DTNA: variants seen among roughly 807,000 people sequenced by gnomAD.
DTNA encodes dystrobrevin alpha, also known as dystrophin-related protein 3.
DTNA carries 43 observed loss-of-function variants against 100.7 expected under a neutral mutation model. That is an observed-to-expected ratio of 0.43 (90% CI 0.33 to 0.55). The LOEUF (loss-of-function observed/expected upper bound fraction) is 0.55, where lower values mean the gene tolerates loss of function less well. Ranked by LOEUF, DTNA falls within the 20% of genes least tolerant of loss-of-function variation. The pLI is 0.04. For synonymous variants in DTNA, 349 were observed against 347.9 expected (o/e 1.00, Z -0.04); for missense variants, 798 against 953.9 (o/e 0.84, Z 2.15).
intron 17 of DTNA, among the ~76,000 whole-genome samples, chr18:34,865,924 A>G (rs2096696658): frequency 3.3e-5 from 5 of 152,246 alleles, no homozygotes; most frequent in Admixed American, 3.3e-4. Flanking sequence ...CATGCAGAGA[A>G]AAGAGATGGG....
intron 1 of DTNA, among the ~76,000 whole-genome samples, chr18:34,660,898 C>T (rs1039403205): frequency 6.6e-6 from 1 of 152,116 alleles, no homozygotes; most frequent in Non-Finnish European, 1.5e-5. Flanking sequence ...TCTTTTGTCT[C>T]CCTAAAATGT....
chr18:34,872,384 G>T (rs990020821), intron 17 of DTNA, among the ~76,000 whole-genome samples: 1 of 152,182 alleles, frequency 6.6e-6, no homozygotes, highest in African/African-American at 2.4e-5. Context: ...AGGCTGGTGT[G>T]CACTACAGCC....
At chr18:34,848,675 C>G (rs2096424870) in intron 14 of DTNA, among the ~76,000 whole-genome samples, 1 of 152,046 alleles carries the variant, frequency 6.6e-6, no homozygotes, top group Non-Finnish European at 1.5e-5. Context: ...AGGAAGGGGG[C>G]AAGGACTGGT....
intron 1 of DTNA, among the ~76,000 whole-genome samples, chr18:34,691,154 C>CA (rs1568231587): frequency 6.6e-6 from 1 of 152,210 alleles, no homozygotes; most frequent in Non-Finnish European, 1.5e-5. Context: ...TCATATAGCA[C>CA]ACCTATATTA....
chr18:34,643,152 G>A (rs1042800651), intron 1 of DTNA, among the ~76,000 whole-genome samples: 3 of 152,194 alleles, frequency 2.0e-5, no homozygotes, highest in African/African-American at 4.8e-5. Flanking sequence ...TTGTACCTAA[G>A]AGTGGCAAGA....
chr18:34,612,344 A>G (rs548098310), intron 1 of DTNA, among the ~76,000 whole-genome samples: 1 of 152,278 alleles, frequency 6.6e-6, no homozygotes, highest in South Asian at 2.1e-4. Context: ...CTGACTTGTG[A>G]TGCTCTCATG....
intron 2 of DTNA, 86 bp downstream of exon 2, chr18:34,756,129 A>G (rs1331407196): frequency 2.1e-6 from 3 of 1,462,930 alleles, no homozygotes; most frequent in East Asian, 4.8e-5. Flanking sequence ...TCTTTATGAT[A>G]TTTGTACTTT....
chr18:34,824,438 C>A (rs1243298191), intron 9 of DTNA, among the ~76,000 whole-genome samples: 1 of 151,310 alleles, frequency 6.6e-6, no homozygotes, highest in African/African-American at 2.4e-5. Flanking sequence ...ATCGCGCCAC[C>A]GCACTCCAGC....
chr18:34,575,417 A>G (rs1338328487), intron 1 of DTNA, among the ~76,000 whole-genome samples: 1 of 152,140 alleles, frequency 6.6e-6, no homozygotes, highest in Non-Finnish European at 1.5e-5. Flanking sequence ...CCTAGTGACC[A>G]CTGTCCATTT....
At chr18:34,493,945 G>A (rs2038861150) in intron 1 of DTNA, 1 of 148,562 alleles carries the variant, frequency 6.7e-6, no homozygotes, top group Admixed American at 6.7e-5. Flanking sequence ...CCCGGGCGGC[G>A]GGCGGCGCCT....
intron 1 of DTNA, among the ~76,000 whole-genome samples, chr18:34,737,544 G>A (rs1208199449): frequency 6.6e-6 from 1 of 152,176 alleles, no homozygotes; most frequent in Non-Finnish European, 1.5e-5. Context: ...ACCAAGGGAT[G>A]CTTAGAGAAA....
In DTNA at chr18:34,627,372, ACTG is replaced by A. The variant is rs1172047217; in HGVS notation, c.-1-128603_-1-128601del. ...TGTGTTCACTTTCCCTTACTCTTCTACTGAAGTCTCCACTGCTCCCTTTAGCCA... is the reference window on the plus strand; with the variant it reads ...TGTGTTCACTTTCCCTTACTCTTCTAAAGTCTCCACTGCTCCCTTTAGCCA... On this transcript the variant is annotated intron_variant, in intron 1 of 19. Transcript: ENST00000283365. 2.0e-5 allele frequency among the ~76,000 whole-genome samples: 3 copies of A among 152,084 alleles called. No individual in the cohort carries two copies. The East Asian group carries it at 5.8e-4, about 29-fold the overall frequency.
chr18:34,862,689 A>C (rs1013860087), intron 16 of DTNA, among the ~76,000 whole-genome samples: 1 of 152,086 alleles, frequency 6.6e-6, no homozygotes, highest in African/African-American at 2.4e-5. Flanking sequence ...AGTATCAGCT[A>C]CTCATGAGGC....
chr18:34,557,805 G>T (rs1007958609), intron 1 of DTNA, among the ~76,000 whole-genome samples: 5 of 152,134 alleles, frequency 3.3e-5, no homozygotes, highest in African/African-American at 1.2e-4. Context: ...GTCTGCAGAG[G>T]TTACTGCTGC....
At chr18:34,556,929 T>C (rs1441726690) in intron 1 of DTNA, among the ~76,000 whole-genome samples, 14 of 147,442 alleles carry the variant, frequency 9.5e-5, no homozygotes, top group African/African-American at 2.3e-4. Context: ...CCTTGCTAGA[T>C]TGGGGAAGTT....
chr18:34,592,272 T>G (rs2049814289), intron 1 of DTNA, among the ~76,000 whole-genome samples: 1 of 152,132 alleles, frequency 6.6e-6, no homozygotes, highest in African/African-American at 2.4e-5. Flanking sequence ...ATAAAGAGGT[T>G]AGTTATTTTC....
intron 15 of DTNA, 99 bp downstream of exon 15, chr18:34,852,027 G>GTCTTCCCTTGAGTA: frequency 8.5e-7 from 1 of 1,175,518 alleles, no homozygotes; most frequent in Non-Finnish European, 1.2e-6. Context: ...CACCCTGTAT[G>GTCTTCCCTTGAGTA]GCTACTCAAG....
At chr18:34,659,355 A>G (rs768748194) in intron 1 of DTNA, among the ~76,000 whole-genome samples, 6 of 152,106 alleles carry the variant, frequency 3.9e-5, no homozygotes, top group Non-Finnish European at 8.8e-5. Flanking sequence ...CCTTTTTTGT[A>G]CTGTATGCTT....
intron 3 of DTNA, among the ~76,000 whole-genome samples, chr18:34,777,249 A>C (rs1196331694): frequency 6.6e-6 from 1 of 152,226 alleles, no homozygotes; most frequent in African/African-American, 2.4e-5. Flanking sequence ...TACCTGGAAC[A>C]TTATAAGTGT....
Sources: allele counts gnomAD v4.1 joint callset (sites outside exome capture counted in the v4.1 genomes callset), GRCh38; gene constraint gnomAD v4.1.1; transcripts MANE v1.5; gene names NCBI Gene and HGNC (gene_info 2026-07-23, HGNC 2026-07-21).